The following LY86 variants were observed in gnomAD, a reference collection of about 807,000 sequenced individuals.
LY86 encodes lymphocyte antigen 86.
LY86 carries 20 observed loss-of-function variants against 17.3 expected under a neutral mutation model. The ratio of observed to expected loss-of-function variants is 1.15; its 90% CI spans 0.81 to 1.68. The LOEUF is 1.68. Ranked by LOEUF, LY86 falls within the 40% of genes most tolerant of loss-of-function variation. The probability of loss-of-function intolerance (pLI) is 0.00; values close to 1 mark genes in which losing one functional copy is unlikely to be tolerated. For missense variants in LY86, 200 were observed against 191.9 expected (o/e 1.04, Z -0.25); for synonymous variants, 74 against 70.6 (o/e 1.05, Z -0.24).
In LY86 at chr6:6,654,741, A is replaced by C; in HGVS notation, c.*114A>C. 2 of 851,734 alleles carry C rather than the reference A, an allele frequency of 2.3e-6. No homozygotes were observed. The highest frequency in any genetic ancestry group is 3.8e-6 in the Non-Finnish European group (2 of 529,042). 52.8% of individuals were successfully genotyped at this position (851,734 alleles called of 1,614,324 possible). A position where few individuals can be genotyped will look rare whatever the true frequency, so the allele number is the denominator to read the frequency against. On this transcript the variant is annotated 3_prime_UTR_variant, in exon 5 of 5. Coordinates refer to ENST00000230568, the MANE Select transcript of LY86 (RefSeq NM_004271.4). ...CTGATGACAGAGAGAGGCTCTACAA[A>C]GAAGCGCCCCCAAAGAGTGCAGCTG...
intron 1 of LY86, among the ~76,000 whole-genome samples, chr6:6,616,856 GTCC>G (rs1761566924): frequency 6.6e-6 from 1 of 152,148 alleles, no homozygotes; most frequent in African/African-American, 2.4e-5. Flanking sequence ...CCCTGTTTCT[GTCC>G]CCTGTCAAGA....
intron 1 of LY86, among the ~76,000 whole-genome samples, chr6:6,614,456 C>T (rs879785572): frequency 2.2e-4 from 34 of 151,926 alleles, no homozygotes; most frequent in Admixed American, 2.2e-3. Flanking sequence ...ACAGAGCTCC[C>T]GCGAGCCTGC....
At chr6:6,608,178 CAAG>C (rs1761241259) in intron 1 of LY86, among the ~76,000 whole-genome samples, 1 of 151,922 alleles carries the variant, frequency 6.6e-6, no homozygotes, top group Non-Finnish European at 1.5e-5. Flanking sequence ...TGTAGTAAGA[CAAG>C]AAAAAGAAAA....
intron 1 of LY86, among the ~76,000 whole-genome samples, chr6:6,619,429 A>G (rs1189775393): frequency 3.3e-5 from 5 of 152,146 alleles, no homozygotes; most frequent in Non-Finnish European, 7.4e-5. Flanking sequence ...TTATTAAACA[A>G]CCATCCAGTA....
intron 1 of LY86, among the ~76,000 whole-genome samples, chr6:6,594,816 T>TA (rs1364739487): frequency 6.6e-6 from 1 of 152,202 alleles, no homozygotes; most frequent in African/African-American, 2.4e-5. Context: ...AACAGGTAGA[T>TA]AGGAAGTTTA....
At chr6:6,646,737 A>C (rs373759976) in intron 3 of LY86, among the ~76,000 whole-genome samples, 8 of 152,098 alleles carry the variant, frequency 5.3e-5, no homozygotes, top group African/African-American at 1.9e-4. Flanking sequence ...ATTCTACGGT[A>C]TATTATTATA....
At chr6:6,611,762 C>T (rs1266250469) in intron 1 of LY86, among the ~76,000 whole-genome samples, 4 of 152,054 alleles carry the variant, frequency 2.6e-5, no homozygotes, top group African/African-American at 7.3e-5. Context: ...TATCCCACAT[C>T]TAGCACAGTG....
intron 3 of LY86, among the ~76,000 whole-genome samples, chr6:6,645,164 A>T (rs1005240508): frequency 2.0e-5 from 3 of 152,146 alleles, no homozygotes; most frequent in African/African-American, 7.2e-5. Flanking sequence ...CGAAAGTTTA[A>T]AAAAAAGGCA....
At chr6:6,621,149 G>T (rs376291767) in intron 1 of LY86, 12 of 152,344 alleles carry the variant, frequency 7.9e-5, no homozygotes, top group African/African-American at 2.2e-4. Context: ...CTTCTATTTC[G>T]TGATGAAGTT....
At chr6:6,614,136 C>A (rs926207434) in intron 1 of LY86, among the ~76,000 whole-genome samples, 1 of 152,138 alleles carries the variant, frequency 6.6e-6, no homozygotes, top group South Asian at 2.1e-4. Context: ...AGTTGACTTT[C>A]CATCTCCAAA....
At chr6:6,648,105 C>T (rs946779358) in intron 3 of LY86, among the ~76,000 whole-genome samples, 2 of 152,016 alleles carry the variant, frequency 1.3e-5, no homozygotes, top group African/African-American at 4.8e-5. Flanking sequence ...TCTCTATACC[C>T]ACTCATCAGT....
chr6:6,649,489 G>GGTCACCGTATCAT, intron 3 of LY86, 136 bp from the exon 4 acceptor site: 1 of 486,398 alleles, frequency 2.1e-6, no homozygotes, highest in South Asian at 3.6e-5. Flanking sequence ...ATCAGGAAAT[G>GGTCACCGTATCAT]AAAACATTTC....
intron 3 of LY86, among the ~76,000 whole-genome samples, chr6:6,648,736 C>T (rs921310318): frequency 6.6e-6 from 1 of 151,346 alleles, no homozygotes; most frequent in African/African-American, 2.4e-5. Flanking sequence ...GAAGTAGTTA[C>T]TGTTATTGTC....
At chr6:6,637,050 G>A (rs1173815567) in intron 3 of LY86, among the ~76,000 whole-genome samples, 2 of 134,588 alleles carry the variant, frequency 1.5e-5, no homozygotes, top group Non-Finnish European at 3.1e-5. Context: ...TCGCTCTGTC[G>A]CCCAGGCTGG....
intron 1 of LY86, among the ~76,000 whole-genome samples, chr6:6,613,456 C>G (rs981492380): frequency 1.3e-5 from 2 of 152,204 alleles, no homozygotes; most frequent in Admixed American, 6.5e-5. Flanking sequence ...AGCCAAGGCC[C>G]GGTGAGAAAT....
chr6:6,611,393 G>A (rs1439455714), intron 1 of LY86, among the ~76,000 whole-genome samples: 7 of 152,164 alleles, frequency 4.6e-5, no homozygotes, highest in African/African-American at 1.2e-4. Context: ...CTAAAACACG[G>A]ATGATAGCAT....
At chr6:6,600,426 C>T (rs1357709919) in intron 1 of LY86, among the ~76,000 whole-genome samples, 1 of 151,676 alleles carries the variant, frequency 6.6e-6, no homozygotes, top group East Asian at 1.9e-4. Flanking sequence ...CCTATTTCTA[C>T]TAAAAATACA....
chr6:6,606,550 G>A lies in LY86; in HGVS notation c.136+17680G>A, dbSNP rs191000984. ...CGGCGCTCGTCGGGGAGGCTTGGGC[G>A]GCACAGGAGCCCACGGAGCGGGGGG... On this transcript the variant is annotated intron_variant, in intron 1 of 4. Coordinates refer to ENST00000230568, the MANE Select transcript of LY86 (RefSeq NM_004271.4). Among the ~76,000 whole-genome samples the A allele has an allele frequency of 4.0e-3, 616 of 152,296 alleles. 3 individuals are homozygous for A. The highest frequency in any genetic ancestry group is 7.1e-3 in the Non-Finnish European group (485 of 68,016).
chr6:6,643,878 C>T (rs1762074147), intron 3 of LY86, among the ~76,000 whole-genome samples: 1 of 152,106 alleles, frequency 6.6e-6, no homozygotes, highest in Admixed American at 6.5e-5. Flanking sequence ...ATAACTGGGG[C>T]AAAAAAGAAC....
Sources: gnomAD v4.1 joint callset for allele counts (sites outside exome capture counted in the v4.1 genomes callset) on GRCh38, gnomAD v4.1.1 for gene constraint, MANE v1.5 for transcripts, NCBI Gene and HGNC (gene_info 2026-07-23, HGNC 2026-07-21) for gene names.